The following FBXL17 variants were observed in gnomAD, a reference collection of about 807,000 sequenced individuals.
FBXL17 encodes F-box and leucine rich repeat protein 17.
A neutral mutation model predicts 66.2 loss-of-function variants in FBXL17; 22 were observed. That is an observed-to-expected ratio of 0.33 (90% CI 0.24 to 0.47). FBXL17 has a LOEUF of 0.47. Ranked by LOEUF, FBXL17 falls within the 20% of genes least tolerant of loss-of-function variation. The pLI is 1.00. For missense variants in FBXL17, 878 were observed against 948.2 expected (o/e 0.93, Z 0.97); for synonymous variants, 474 against 400.5 (o/e 1.18, Z -2.19).
intron 7 of FBXL17, among the ~76,000 whole-genome samples, chr5:107,949,097 G>A (rs184502771): frequency 1.8e-3 from 274 of 151,614 alleles, no homozygotes; most frequent in Non-Finnish European, 1.1e-3. Flanking sequence ...TTCACAGTTA[G>A]TGTGAAAAGA....
At chr5:108,295,813 A>G (rs933577774) in intron 4 of FBXL17, among the ~76,000 whole-genome samples, 1 of 151,966 alleles carries the variant, frequency 6.6e-6, no homozygotes, top group Non-Finnish European at 1.5e-5. Flanking sequence ...GGAAAAAAGT[A>G]AGGCTTAAGG....
At chr5:108,298,435 T>C (rs1758438253) in intron 4 of FBXL17, 1 of 976,340 alleles carries the variant, frequency 1.0e-6, no homozygotes, top group African/African-American at 1.8e-5. Context: ...TAAACTAAAA[T>C]CTAAACAAAA....
chr5:108,348,576 C>G (rs1333239306), intron 3 of FBXL17, 46 bp from the exon 4 acceptor site: 1 of 1,568,996 alleles, frequency 6.4e-7, no homozygotes, highest in Admixed American at 1.8e-5. Context: ...ATAACAAAGG[C>G]AACATATTTC....
intron 4 of FBXL17, among the ~76,000 whole-genome samples, chr5:108,289,319 A>C (rs879646412): frequency 3.3e-5 from 5 of 152,200 alleles, no homozygotes; most frequent in Non-Finnish European, 5.9e-5. Context: ...TAAAATGTTA[A>C]GACGTTCCTT....
chr5:108,280,115 G>A (rs1213069698), intron 4 of FBXL17, among the ~76,000 whole-genome samples: 1 of 152,052 alleles, frequency 6.6e-6, no homozygotes, highest in Non-Finnish European at 1.5e-5. Flanking sequence ...AGATACAGGA[G>A]GCTCAGAGAT....
Position 108,083,426 on chromosome 5 carries a change from G to A in FBXL17, c.1746-62425C>T, listed in dbSNP as rs546010077. ...CCAGAGTTTGTTTGTTTTAAGACAA[G>A]GTCTTGCTTTGTCACCCAGGCTGGA... On this transcript the variant is annotated intron_variant, in intron 6 of 8. Transcript: ENST00000542267. 1.1e-4 allele frequency among the ~76,000 whole-genome samples: 17 copies of A among 152,244 alleles called. No homozygotes were observed. In the South Asian group the frequency reaches 3.1e-3, roughly 28 times the overall value.
intron 6 of FBXL17, among the ~76,000 whole-genome samples, chr5:108,121,832 C>G (rs984916600): frequency 3.3e-5 from 5 of 152,188 alleles, no homozygotes; most frequent in African/African-American, 1.2e-4. Context: ...GCTGGGATTA[C>G]AGGCGTGAGC....
intron 4 of FBXL17, among the ~76,000 whole-genome samples, chr5:108,267,559 T>C (rs1238261657): frequency 2.6e-5 from 4 of 152,054 alleles, no homozygotes; most frequent in African/African-American, 9.7e-5. Context: ...CCCATTTCTA[T>C]AAAAACAAAG....
chr5:107,930,261 C>T (rs981484638), intron 7 of FBXL17, among the ~76,000 whole-genome samples: 4 of 152,264 alleles, frequency 2.6e-5, no homozygotes, highest in African/African-American at 7.2e-5. Context: ...GTTTCTGGGG[C>T]TGTGTTCATC....
At chr5:107,924,198 C>T (rs571137510) in intron 7 of FBXL17, among the ~76,000 whole-genome samples, 47 of 150,842 alleles carry the variant, frequency 3.1e-4, no homozygotes, top group Admixed American at 1.4e-3. Flanking sequence ...CAAGACTTGT[C>T]TTCTGAGAGC....
At chr5:107,991,034 G>A (rs959289733) in intron 7 of FBXL17, among the ~76,000 whole-genome samples, 2 of 152,152 alleles carry the variant, frequency 1.3e-5, no homozygotes, top group Non-Finnish European at 2.9e-5. Context: ...AGACATAAAC[G>A]CAGAGGCTCT....
chr5:107,911,152 T>A (rs1465847010), intron 7 of FBXL17, among the ~76,000 whole-genome samples: 3 of 152,168 alleles, frequency 2.0e-5, no homozygotes, highest in Non-Finnish European at 2.9e-5. Context: ...ACAGTCATTA[T>A]GTAAGTTGCA....
intron 6 of FBXL17, among the ~76,000 whole-genome samples, chr5:108,100,500 T>C (rs897312691): frequency 3.3e-5 from 5 of 152,192 alleles, no homozygotes; most frequent in Non-Finnish European, 7.4e-5. Flanking sequence ...CAACATGTAT[T>C]TCTAAAAGAT....
At position 108,310,853 on chromosome 5, in the gene FBXL17, T is replaced by C. The variant is rs375230484; in HGVS notation, c.1506+37546A>G. On this transcript the variant is annotated intron_variant, in intron 4 of 8. Transcript: ENST00000542267. The stretch of plus-strand genomic sequence containing the variant: ...CTTTACACATGTCCTACATATGAAT[T>C]GCCTCCAGCCCAACACCGAAAGTCC... Among the ~76,000 whole-genome samples the C allele has an allele frequency of 2.6e-5, 4 of 152,302 alleles. No homozygotes were observed. In the East Asian group the frequency reaches 7.7e-4, roughly 29 times the overall value.
intron 7 of FBXL17, among the ~76,000 whole-genome samples, chr5:107,958,367 T>C (rs1286324280): frequency 6.6e-6 from 1 of 152,214 alleles, no homozygotes; most frequent in Non-Finnish European, 1.5e-5. Context: ...ATAAAATCTT[T>C]AATCTCAGAA....
intron 6 of FBXL17, among the ~76,000 whole-genome samples, chr5:108,071,730 C>T (rs1748342378): frequency 6.6e-6 from 1 of 152,176 alleles, no homozygotes; most frequent in African/African-American, 2.4e-5. Context: ...ACTGCATTTT[C>T]CCCTTTCATT....
intron 6 of FBXL17, among the ~76,000 whole-genome samples, chr5:108,102,648 C>T (rs1749645820): frequency 6.6e-6 from 1 of 152,162 alleles, no homozygotes; most frequent in Non-Finnish European, 1.5e-5. Context: ...TTTGGCTTCT[C>T]TTTTGTTTTG....
chr5:108,071,697 T>C (rs1430302681), intron 6 of FBXL17, among the ~76,000 whole-genome samples: 1 of 152,210 alleles, frequency 6.6e-6, no homozygotes, highest in Non-Finnish European at 1.5e-5. Flanking sequence ...ACTTCCCTTA[T>C]TCTACTTTAT....
At chr5:107,984,664 T>C (rs1161254516) in intron 7 of FBXL17, among the ~76,000 whole-genome samples, 3 of 152,246 alleles carry the variant, frequency 2.0e-5, no homozygotes, top group Non-Finnish European at 4.4e-5. Flanking sequence ...TAAAAATGGC[T>C]ATCATGCCAT....
Sources: allele counts gnomAD v4.1 joint callset (sites outside exome capture counted in the v4.1 genomes callset), GRCh38; gene constraint gnomAD v4.1.1; transcripts MANE v1.5; gene names NCBI Gene and HGNC (gene_info 2026-07-23, HGNC 2026-07-21).